TMEM132D: variants seen among roughly 807,000 people sequenced by gnomAD.
TMEM132D encodes transmembrane protein 132D.
TMEM132D carries 21 observed loss-of-function variants against 62.3 expected under a neutral mutation model. The observed-to-expected ratio is 0.34, with a 90% CI of 0.24 to 0.49. TMEM132D has a LOEUF of 0.49. Ranked by LOEUF, TMEM132D falls within the 20% of genes least tolerant of loss-of-function variation. The pLI, the probability that TMEM132D is intolerant of heterozygous loss-of-function variation, is 0.99. For synonymous variants in TMEM132D, 621 were observed against 575.6 expected (o/e 1.08, Z -1.13); for missense variants, 1,346 against 1,402.8 (o/e 0.96, Z 0.65).
At chr12:129,200,255 G>A (rs974466325) in intron 5 of TMEM132D, among the ~76,000 whole-genome samples, 5 of 152,108 alleles carry the variant, frequency 3.3e-5, no homozygotes, top group African/African-American at 1.2e-4. Context: ...TTTGCCACAT[G>A]ATGGATTGAA....
chr12:129,574,699 T>C lies in TMEM132D; in HGVS notation c.969-43494A>G, dbSNP rs188348171. ...TAAGCCGTCAGCATCCACAGCGAGA[T>C]GAAAACCCGAGAATATAGCTCAGGG... On this transcript the variant is annotated intron_variant, in intron 2 of 8. Coordinates refer to ENST00000422113, the MANE Select transcript of TMEM132D (RefSeq NM_133448.3). Among the ~76,000 whole-genome samples, 678 of 151,734 alleles carry C rather than the reference T, an allele frequency of 4.5e-3. 7 individuals carry two copies. The highest frequency in any genetic ancestry group is 0.017 in the Middle Eastern group (5 of 294).
intron 3 of TMEM132D, among the ~76,000 whole-genome samples, chr12:129,455,708 A>T (rs150600841): frequency 1.3e-5 from 2 of 152,182 alleles, no homozygotes; most frequent in African/African-American, 4.8e-5. Flanking sequence ...GGAGCACATT[A>T]TGTGTCTTGG....
chr12:129,271,394 AT>A (rs202112603), intron 4 of TMEM132D, among the ~76,000 whole-genome samples: 2 of 150,848 alleles, frequency 1.3e-5, no homozygotes, highest in East Asian at 1.9e-4. Flanking sequence ...TTTCTTTTTG[AT>A]TTTTTTTTAA....
At chr12:129,098,172 C>T (rs1423565543) in intron 5 of TMEM132D, among the ~76,000 whole-genome samples, 1 of 152,174 alleles carries the variant, frequency 6.6e-6, no homozygotes, top group African/African-American at 2.4e-5. Flanking sequence ...ATAGCCAAGA[C>T]AATGTGGCAT....
At chr12:129,190,223 G>A (rs1228428633) in intron 5 of TMEM132D, among the ~76,000 whole-genome samples, 4 of 109,790 alleles carry the variant, frequency 3.6e-5, no homozygotes, top group Admixed American at 8.7e-5. Flanking sequence ...CAGATGGAGG[G>A]AGGGAGTCTC....
chr12:129,548,742 C>T (rs1321835210), intron 2 of TMEM132D, among the ~76,000 whole-genome samples: 1 of 152,202 alleles, frequency 6.6e-6, no homozygotes, highest in African/African-American at 2.4e-5. Flanking sequence ...ATCCTACCAC[C>T]CCCTTCCAAC....
At chr12:129,902,927 G>T (rs1270017396) in intron 1 of TMEM132D, among the ~76,000 whole-genome samples, 2 of 152,126 alleles carry the variant, frequency 1.3e-5, no homozygotes, top group Admixed American at 1.3e-4. Flanking sequence ...GCCCTCCAGA[G>T]GCCACCTTTC....
intron 1 of TMEM132D, among the ~76,000 whole-genome samples, chr12:129,817,055 C>T (rs536258558): frequency 6.6e-6 from 1 of 152,204 alleles, no homozygotes; most frequent in South Asian, 2.1e-4. Context: ...GAAATGGGTT[C>T]TATGAAAAAT....
chr12:129,702,387 T>TACA (rs1881404250), intron 1 of TMEM132D, among the ~76,000 whole-genome samples: 1 of 152,238 alleles, frequency 6.6e-6, no homozygotes, highest in Admixed American at 6.5e-5. Flanking sequence ...AGATTACATG[T>TACA]TTTAACTTTA....
intron 1 of TMEM132D, among the ~76,000 whole-genome samples, chr12:129,715,604 A>G (rs1868542318): frequency 6.6e-6 from 1 of 152,220 alleles, no homozygotes; most frequent in African/African-American, 2.4e-5. Flanking sequence ...GGTGGGATCA[A>G]CCTGCACATG....
At chr12:129,464,743 G>T (rs1374628245) in intron 3 of TMEM132D, among the ~76,000 whole-genome samples, 2 of 152,116 alleles carry the variant, frequency 1.3e-5, no homozygotes, top group African/African-American at 4.8e-5. Context: ...TTTCCTCATT[G>T]CTTGTTTTTC....
chr12:129,635,394 A>G (rs1404685554), intron 2 of TMEM132D, among the ~76,000 whole-genome samples: 1 of 152,242 alleles, frequency 6.6e-6, no homozygotes, highest in African/African-American at 2.4e-5. Flanking sequence ...AGAGTCATCC[A>G]CAGAGAGGTG....
intron 3 of TMEM132D, among the ~76,000 whole-genome samples, chr12:129,405,969 A>G (rs1871771481): frequency 6.6e-6 from 1 of 152,236 alleles, no homozygotes; most frequent in African/African-American, 2.4e-5. Context: ...AGACAAATCA[A>G]TTAAATCCCT....
chr12:129,612,708 ATGT>A (rs1278459701), intron 2 of TMEM132D, among the ~76,000 whole-genome samples: 1 of 127,114 alleles, frequency 7.9e-6, no homozygotes, highest in Non-Finnish European at 1.8e-5. Context: ...GTGGGAAGAC[ATGT>A]TGTTAATTTG....
intron 4 of TMEM132D, among the ~76,000 whole-genome samples, chr12:129,290,539 A>G (rs987719213): frequency 9.2e-5 from 14 of 152,228 alleles, no homozygotes; most frequent in African/African-American, 3.1e-4. Flanking sequence ...TACAGAGGGA[A>G]ACCATTTATG....
At chr12:129,624,001 G>A (rs1033841297) in intron 2 of TMEM132D, among the ~76,000 whole-genome samples, 10 of 152,092 alleles carry the variant, frequency 6.6e-5, no homozygotes, top group Non-Finnish European at 5.9e-5. Context: ...TAACCCTAGC[G>A]CACAGCACAA....
intron 3 of TMEM132D, among the ~76,000 whole-genome samples, chr12:129,390,778 G>A (rs1871270440): frequency 6.6e-6 from 1 of 152,110 alleles, no homozygotes. Flanking sequence ...CTCCATCCCA[G>A]GGTGCTGTAT....
chr12:129,234,518 A>G (rs970706491), intron 4 of TMEM132D, among the ~76,000 whole-genome samples: 1 of 152,214 alleles, frequency 6.6e-6, no homozygotes, highest in African/African-American at 2.4e-5. Context: ...TGTGCCTTGA[A>G]AAAGCTACGT....
rs199984576 is a variant in TMEM132D, at chr12:129,695,987, CA to C, written c.968+3822del. On this transcript the variant is annotated intron_variant, in intron 2 of 8. Coordinates refer to ENST00000422113, the MANE Select transcript of TMEM132D (RefSeq NM_133448.3). ...CAACTTAGAATATCACTGGATACAC[CA>C]GGGCACATTTTACCTGAAATAGAAT... 1.0e-2 allele frequency among the ~76,000 whole-genome samples: 1,520 copies of C among 152,278 alleles called. 17 individuals are homozygous for C. Among genetic ancestry groups the C allele is most frequent in the Admixed American group, 0.023 (351 of 15,292 alleles).
Sources: gnomAD v4.1 joint callset for allele counts (sites outside exome capture counted in the v4.1 genomes callset) on GRCh38, gnomAD v4.1.1 for gene constraint, MANE v1.5 for transcripts, NCBI Gene and HGNC (gene_info 2026-07-23, HGNC 2026-07-21) for gene names.